KCND2: variants seen among roughly 807,000 people sequenced by gnomAD.
The protein encoded by KCND2 is A-type voltage-gated potassium channel KCND2.
A neutral mutation model predicts 54.4 loss-of-function variants in KCND2; 16 were observed. That is an observed-to-expected ratio of 0.29 (90% CI 0.20 to 0.45). The LOEUF is 0.45. KCND2 is among the 20% of genes least tolerant of loss of function. KCND2 has a pLI of 1.00. For missense variants in KCND2, 486 were observed against 824.2 expected, an observed-to-expected ratio of 0.59 and a Z score of 5.02; for synonymous variants, 317 against 310.7, an observed-to-expected ratio of 1.02 and a Z score of -0.21.
At chr7:120,630,614 A>G (rs528241053) in intron 1 of KCND2, among the ~76,000 whole-genome samples, 39 of 152,286 alleles carry the variant, frequency 2.6e-4, no homozygotes, top group Non-Finnish European at 4.3e-4. Flanking sequence ...TCTATAATCT[A>G]TAAATATCTA....
intron 1 of KCND2, among the ~76,000 whole-genome samples, chr7:120,288,943 G>C (rs1395439994): frequency 6.6e-6 from 1 of 151,968 alleles, no homozygotes; most frequent in African/African-American, 2.4e-5. Context: ...GATAAATAGA[G>C]AAGAGTCTTA....
chr7:120,374,991 G>A (rs1329197424), intron 1 of KCND2, among the ~76,000 whole-genome samples: 1 of 151,838 alleles, frequency 6.6e-6, no homozygotes, highest in Non-Finnish European at 1.5e-5. Context: ...CTGCTTTACA[G>A]TCTTCTCTCC....
chr7:120,558,687 C>A (rs774753249), intron 1 of KCND2, among the ~76,000 whole-genome samples: 1 of 152,134 alleles, frequency 6.6e-6, no homozygotes, highest in Non-Finnish European at 1.5e-5. Flanking sequence ...CCTCTCTGAG[C>A]TTTTCAAGTG....
intron 1 of KCND2, among the ~76,000 whole-genome samples, chr7:120,456,370 G>T (rs1412908135): frequency 6.6e-6 from 1 of 152,176 alleles, no homozygotes; most frequent in East Asian, 1.9e-4. Context: ...CTGTATGGCT[G>T]TCAAGGTATG....
intron 1 of KCND2, among the ~76,000 whole-genome samples, chr7:120,487,106 A>T (rs1802705896): frequency 6.6e-6 from 1 of 152,200 alleles, no homozygotes; most frequent in Non-Finnish European, 1.5e-5. Flanking sequence ...CACTCTCACC[A>T]TCCTGCCTGG....
intron 1 of KCND2, 124 bp from the exon 2 acceptor site, chr7:120,732,779 G>A: frequency 2.8e-6 from 2 of 712,738 alleles, no homozygotes; most frequent in South Asian, 1.8e-5. Flanking sequence ...ATATATTATA[G>A]TCACAAAGTA....
At chr7:120,717,248 G>A (rs1300896103) in intron 1 of KCND2, among the ~76,000 whole-genome samples, 2 of 152,054 alleles carry the variant, frequency 1.3e-5, no homozygotes, top group Non-Finnish European at 2.9e-5. Context: ...ATGAAACCAT[G>A]ACGATGTCAA....
At chr7:120,327,479 GT>G (rs1402835630) in intron 1 of KCND2, among the ~76,000 whole-genome samples, 3 of 152,024 alleles carry the variant, frequency 2.0e-5, no homozygotes, top group Non-Finnish European at 2.9e-5. Context: ...CTTCCAAACT[GT>G]AAATAGGAGT....
chr7:120,693,661 T>G (rs147504289), intron 1 of KCND2, among the ~76,000 whole-genome samples: 1 of 152,238 alleles, frequency 6.6e-6, no homozygotes, highest in East Asian at 1.9e-4. Context: ...TTTGCTATTT[T>G]ATATGCACCA....
At chr7:120,656,941 A>G (rs917582245) in intron 1 of KCND2, among the ~76,000 whole-genome samples, 3 of 152,232 alleles carry the variant, frequency 2.0e-5, no homozygotes, top group African/African-American at 7.2e-5. Flanking sequence ...GGACCTATCC[A>G]GCTGAGACTG....
At chr7:120,638,079 A>G (rs1243739697) in intron 1 of KCND2, among the ~76,000 whole-genome samples, 1 of 152,180 alleles carries the variant, frequency 6.6e-6, no homozygotes, top group African/African-American at 2.4e-5. Flanking sequence ...TGGCTGCAGT[A>G]AAATAAAGGT....
chr7:120,346,051 G>C (rs1274733752), intron 1 of KCND2, among the ~76,000 whole-genome samples: 1 of 152,080 alleles, frequency 6.6e-6, no homozygotes, highest in African/African-American at 2.4e-5. Context: ...TAGGTAAGAT[G>C]ATATCTCATT....
At chr7:120,386,031 A>T (rs921969853) in intron 1 of KCND2, among the ~76,000 whole-genome samples, 19 of 152,248 alleles carry the variant, frequency 1.2e-4, no homozygotes, top group African/African-American at 4.6e-4. Flanking sequence ...GATCCTAAGA[A>T]TTCTGTGCAA....
intron 1 of KCND2, among the ~76,000 whole-genome samples, chr7:120,394,120 C>A (rs1801116915): frequency 6.6e-6 from 1 of 151,966 alleles, no homozygotes; most frequent in Admixed American, 6.6e-5. Flanking sequence ...AATCAATTCA[C>A]TGAGACCGCA....
intron 1 of KCND2, among the ~76,000 whole-genome samples, chr7:120,521,612 G>A (rs1037611942): frequency 1.3e-5 from 2 of 152,110 alleles, no homozygotes; most frequent in Non-Finnish European, 2.9e-5. Flanking sequence ...TCTAAATTGA[G>A]CGTAATAATA....
At chr7:120,475,818 A>C (rs1295447704) in intron 1 of KCND2, among the ~76,000 whole-genome samples, 1 of 152,198 alleles carries the variant, frequency 6.6e-6, no homozygotes, top group Non-Finnish European at 1.5e-5. Context: ...AACACAGATC[A>C]CCAATTTGGT....
In KCND2 at chr7:120,696,627, A is replaced by G. The variant is rs115902759; in HGVS notation, c.1116-36276A>G. Among the ~76,000 whole-genome samples, 1,137 of 152,362 alleles carry G rather than the reference A, an allele frequency of 7.5e-3. 14 individuals are homozygous for G. Among genetic ancestry groups the G allele is most frequent in the African/African-American group, 0.026 (1,085 of 41,594 alleles). On this transcript the variant is annotated intron_variant, in intron 1 of 5. Transcript: ENST00000331113. Reference sequence around the variant, plus strand: ...GTGATTAAGTCATGAGGGTTCTGCTATCATACATGGATTAATGTCCTTACC... The same window carrying G: ...GTGATTAAGTCATGAGGGTTCTGCTGTCATACATGGATTAATGTCCTTACC...
chr7:120,290,802 A>G (rs1029894661), intron 1 of KCND2, among the ~76,000 whole-genome samples: 1 of 152,016 alleles, frequency 6.6e-6, no homozygotes, highest in Non-Finnish European at 1.5e-5. Flanking sequence ...GATGTGGCTA[A>G]TGAGAAGAAT....
At chr7:120,683,003 A>G (rs958630951) in intron 1 of KCND2, among the ~76,000 whole-genome samples, 5 of 151,980 alleles carry the variant, frequency 3.3e-5, no homozygotes, top group Admixed American at 2.0e-4. Flanking sequence ...CTTCTAGAAG[A>G]CTCCCCAACT....
Sources: gnomAD v4.1 joint callset for allele counts (sites outside exome capture counted in the v4.1 genomes callset) on GRCh38, gnomAD v4.1.1 for gene constraint, MANE v1.5 for transcripts, NCBI Gene and HGNC (gene_info 2026-07-23, HGNC 2026-07-21) for gene names.